Variants in GPR158 observed in about 807,000 individuals in gnomAD.
The protein encoded by GPR158 is G protein-coupled receptor 158.
Under a neutral mutation model 78.2 loss-of-function variants are expected in GPR158, and 30 were observed. The observed-to-expected ratio is 0.38, with a 90% CI of 0.29 to 0.52. GPR158 has a LOEUF of 0.52. GPR158 is among the 20% of genes least tolerant of loss of function. The pLI, the probability that GPR158 is intolerant of heterozygous loss-of-function variation, is 0.83. For missense variants in GPR158, 1,463 were observed against 1,523.5 expected (o/e 0.96, Z 0.66); for synonymous variants, 581 against 591.1 (o/e 0.98, Z 0.25).
chr10:25,298,872 C>G (rs1293384738), intron 2 of GPR158, among the ~76,000 whole-genome samples: 2 of 152,144 alleles, frequency 1.3e-5, no homozygotes. Flanking sequence ...ATAAAAATCT[C>G]CATGTTTATT....
chr10:25,183,280 G>C (rs1005152370), intron 1 of GPR158, among the ~76,000 whole-genome samples: 1 of 152,022 alleles, frequency 6.6e-6, no homozygotes, highest in African/African-American at 2.4e-5. Context: ...GTCTTTCACA[G>C]CTTTGCCCCT....
chr10:25,521,635 A>G (rs61292129), intron 5 of GPR158, among the ~76,000 whole-genome samples: 8,540 of 152,186 alleles, frequency 0.056, 786 homozygotes, highest in African/African-American at 0.19. Flanking sequence ...TTGTTTTTCT[A>G]GTTTCTTCTC....
chr10:25,388,584 G>T (rs797020485), intron 2 of GPR158, among the ~76,000 whole-genome samples: 2 of 152,240 alleles, frequency 1.3e-5, no homozygotes, highest in South Asian at 2.1e-4. Flanking sequence ...GGGAGCTATC[G>T]CAATGAGGCC....
chr10:25,419,455 C>T (rs533517646), intron 4 of GPR158, among the ~76,000 whole-genome samples: 3 of 152,256 alleles, frequency 2.0e-5, no homozygotes, highest in East Asian at 1.9e-4. Context: ...CTGCTGTGAA[C>T]ATTCATGTAC....
intron 4 of GPR158, among the ~76,000 whole-genome samples, chr10:25,431,305 T>C (rs1834901134): frequency 6.9e-6 from 1 of 144,526 alleles, no homozygotes; most frequent in Non-Finnish European, 1.5e-5. Context: ...AAAACCACAA[T>C]GAGATACCAT....
At chr10:25,266,564 C>G (rs1458020965) in intron 2 of GPR158, among the ~76,000 whole-genome samples, 3 of 152,018 alleles carry the variant, frequency 2.0e-5, no homozygotes, top group African/African-American at 7.2e-5. Context: ...AGTGTAATTT[C>G]TATTGTCTTT....
At chr10:25,478,962 CA>C (rs2130633621) in intron 5 of GPR158, among the ~76,000 whole-genome samples, 1 of 152,188 alleles carries the variant, frequency 6.6e-6, no homozygotes, top group African/African-American at 2.4e-5. Flanking sequence ...CATGTCCCTA[CA>C]AAGGACATGA....
chr10:25,366,203 A>T (rs551701634), intron 2 of GPR158, among the ~76,000 whole-genome samples: 1 of 151,490 alleles, frequency 6.6e-6, no homozygotes, highest in South Asian at 2.1e-4. Flanking sequence ...TTATTTTTGC[A>T]TTTATATTGG....
chr10:25,580,099 A>T (rs1194009120), intron 7 of GPR158, among the ~76,000 whole-genome samples: 1 of 152,218 alleles, frequency 6.6e-6, no homozygotes, highest in Non-Finnish European at 1.5e-5. Context: ...TATATATTTT[A>T]TTCACCACAT....
intron 2 of GPR158, among the ~76,000 whole-genome samples, chr10:25,234,977 C>T (rs1853501039): frequency 6.7e-6 from 1 of 150,024 alleles, no homozygotes; most frequent in Admixed American, 6.7e-5. Flanking sequence ...TGAAATAGTT[C>T]AGAGATTCCA....
intron 2 of GPR158, among the ~76,000 whole-genome samples, chr10:25,372,408 C>T (rs1177453533): frequency 6.7e-6 from 1 of 149,680 alleles, no homozygotes; most frequent in South Asian, 2.1e-4. Context: ...CACATGCACA[C>T]ATATGTTTAT....
intron 6 of GPR158, among the ~76,000 whole-genome samples, chr10:25,551,393 G>A (rs1588908786): frequency 1.3e-5 from 2 of 152,126 alleles, no homozygotes; most frequent in South Asian, 4.1e-4. Context: ...GAATACAAAG[G>A]TAATACAGCT....
intron 1 of GPR158, among the ~76,000 whole-genome samples, chr10:25,209,342 C>G (rs755866537): frequency 2.0e-5 from 3 of 152,208 alleles, no homozygotes; most frequent in Non-Finnish European, 4.4e-5. Context: ...CTTGAATACC[C>G]TCATCATGGC....
At chr10:25,264,070 G>T (rs754522561) in intron 2 of GPR158, among the ~76,000 whole-genome samples, 5 of 152,070 alleles carry the variant, frequency 3.3e-5, no homozygotes, top group South Asian at 4.1e-4. Context: ...AGGCATTTTT[G>T]AGTATGGCTC....
intron 7 of GPR158, among the ~76,000 whole-genome samples, chr10:25,574,330 A>C (rs1837058625): frequency 6.6e-6 from 1 of 152,098 alleles, no homozygotes; most frequent in African/African-American, 2.4e-5. Context: ...AAATATATAG[A>C]ATTATATAAT....
intron 7 of GPR158, among the ~76,000 whole-genome samples, chr10:25,580,570 G>A (rs182046600): frequency 2.4e-4 from 37 of 152,272 alleles, no homozygotes; most frequent in African/African-American, 6.7e-4. Flanking sequence ...TGTGATATAA[G>A]TGCCATTTAA....
chr10:25,590,813 T>A (rs543544750), intron 8 of GPR158, among the ~76,000 whole-genome samples: 1 of 152,242 alleles, frequency 6.6e-6, no homozygotes, highest in African/African-American at 2.4e-5. Context: ...AACTGCTAGA[T>A]TTTTTTAGAA....
At chr10:25,187,231 C>T (rs961479676) in intron 1 of GPR158, among the ~76,000 whole-genome samples, 1 of 151,804 alleles carries the variant, frequency 6.6e-6, no homozygotes, top group Non-Finnish European at 1.5e-5. Flanking sequence ...TCCCAAAGTG[C>T]TGGGATTACA....
intron 6 of GPR158, among the ~76,000 whole-genome samples, chr10:25,557,215 C>T (rs1009466764): frequency 1.3e-5 from 2 of 152,180 alleles, no homozygotes; most frequent in Non-Finnish European, 2.9e-5. Context: ...CTTAGTTTTA[C>T]AAACCCTACC....
Sources: allele counts gnomAD v4.1 joint callset (sites outside exome capture counted in the v4.1 genomes callset), GRCh38; gene constraint gnomAD v4.1.1; transcripts MANE v1.5; gene names NCBI Gene and HGNC (gene_info 2026-07-23, HGNC 2026-07-21).